Variants in SLC9C1 observed in about 807,000 individuals in gnomAD.
SLC9C1 encodes solute carrier family 9 member C1.
A neutral mutation model predicts 140.9 loss-of-function variants in SLC9C1; 97 were observed. The ratio of observed to expected loss-of-function variants is 0.69; its 90% confidence interval spans 0.58 to 0.82. The LOEUF (loss-of-function observed/expected upper bound fraction) is 0.82, where lower values mean the gene tolerates loss of function less well. SLC9C1 is among the 40% of genes least tolerant of loss of function. The pLI is 0.00. For synonymous variants in SLC9C1, 440 were observed against 442.6 expected (o/e 0.99, Z 0.07); for missense variants, 1,340 against 1,389.3 (o/e 0.96, Z 0.56).
intron 20 of SLC9C1, among the ~76,000 whole-genome samples, chr3:112,197,569 A>T (rs2077798621): frequency 6.6e-6 from 1 of 152,158 alleles, no homozygotes; most frequent in African/African-American, 2.4e-5. Flanking sequence ...GACAGAAATT[A>T]ACCAAAATTT....
At chr3:112,165,285 CTCCA>C (rs1439454782) in intron 26 of SLC9C1, among the ~76,000 whole-genome samples, 1 of 152,228 alleles carries the variant, frequency 6.6e-6, no homozygotes, top group African/African-American at 2.4e-5. Flanking sequence ...CAAAGTCATT[CTCCA>C]TCCAGCTTTG....
chr3:112,185,083 G>A (rs2077506991), intron 20 of SLC9C1, among the ~76,000 whole-genome samples: 1 of 151,974 alleles, frequency 6.6e-6, no homozygotes, highest in South Asian at 2.1e-4. Context: ...GGGACAGGAG[G>A]GCCAGGGGCA....
At chr3:112,218,464 G>T (rs1478964350) in intron 14 of SLC9C1, among the ~76,000 whole-genome samples, 1 of 151,528 alleles carries the variant, frequency 6.6e-6, no homozygotes, top group Non-Finnish European at 1.5e-5. Flanking sequence ...TTTACTACAG[G>T]GATACTAACG....
At chr3:112,215,508 A>G (rs577177465) in intron 15 of SLC9C1, among the ~76,000 whole-genome samples, 50 of 152,268 alleles carry the variant, frequency 3.3e-4, no homozygotes, top group Non-Finnish European at 7.3e-5. Flanking sequence ...AACTTCAGCA[A>G]AGTCCCAGGA....
At chr3:112,251,674 C>A (rs1253071255) in intron 10 of SLC9C1, among the ~76,000 whole-genome samples, 2 of 152,152 alleles carry the variant, frequency 1.3e-5, no homozygotes, top group East Asian at 1.9e-4. Context: ...TCCCTGAGAC[C>A]AAGCTCTGAG....
Position 112,274,894 on chromosome 3 carries a change from TA to T in SLC9C1, c.613+2del. The T allele has an allele frequency of 6.5e-7, 1 of 1,542,216 alleles. No homozygotes were observed. Among genetic ancestry groups the T allele is most frequent in the Non-Finnish European group, 8.7e-7 (1 of 1,153,670 alleles). On this transcript the variant is annotated splice_donor_variant, in intron 6 of 28. Coordinates refer to ENST00000305815, the MANE Select transcript of SLC9C1 (RefSeq NM_183061.3). LOFTEE classifies it high-confidence loss of function. The stretch of plus-strand genomic sequence containing the variant: ...GAGAAAAATTTTTTAAAAATATACT[TA>T]CCTAAGGTATGGTTTCTTTTACTTT...
Position 112,231,369 on chromosome 3 carries a change from C to T in SLC9C1, c.1564G>A (p.Ala522Thr). The change falls in exon 13 of 29, where the codon GCA (alanine) becomes ACA (threonine). Residue 522 changes from alanine to threonine, a missense_variant. Coordinates refer to ENST00000305815, the MANE Select transcript of SLC9C1 (RefSeq NM_183061.3). ...AGAGAATAATACAGTACTATTTGTG[C>T]TGACAAGAGACGCCTGTTGGCCAGC... is the stretch of plus-strand genomic sequence containing the variant. The part of the protein sequence containing the change: ...MELANRRLLS[A>T]QIASYQRQYR... 2 of 1,613,188 alleles carry T rather than the reference C, an allele frequency of 1.2e-6. No homozygotes were observed. The highest frequency in any genetic ancestry group is 4.5e-5 in the East Asian group (2 of 44,826).
rs764956284 is a variant in SLC9C1 at position 112,221,234 on chromosome 3, AT to A, written c.1573-10del. On this transcript the variant is annotated splice_polypyrimidine_tract_variant and intron_variant, in intron 13 of 28. Transcript: ENST00000305815. ...TGTCTCTGGTAGCTTGCCTAAAAAA[AT>A]ATTAATTCAAGTCATTATATAGCAT... 13 of 1,610,036 alleles carry A rather than the reference AT, an allele frequency of 8.1e-6. No homozygotes were observed. Among genetic ancestry groups the A allele is most frequent in the Middle Eastern group, 1.6e-4 (1 of 6,076 alleles).
chr3:112,263,236 T>G, intron 9 of SLC9C1, 138 bp from the exon 10 acceptor site: 1 of 619,326 alleles, frequency 1.6e-6, no homozygotes, highest in South Asian at 3.8e-5. Context: ...ACTGTTGACA[T>G]GACACCAAAG....
chr3:112,264,169 A>G, intron 9 of SLC9C1, 31 bp downstream of exon 9: 2 of 961,826 alleles, frequency 2.1e-6, no homozygotes, highest in Non-Finnish European at 2.7e-6. Flanking sequence ...TCAATTATCT[A>G]TAAATAGAAA....
intron 26 of SLC9C1, among the ~76,000 whole-genome samples, chr3:112,163,761 G>A (rs958784689): frequency 9.2e-5 from 14 of 152,262 alleles, no homozygotes; most frequent in Admixed American, 3.3e-4. Flanking sequence ...GATTTGGGGT[G>A]GAGAGTTCTG....
chr3:112,239,501 G>C (rs1321762607), intron 12 of SLC9C1, among the ~76,000 whole-genome samples: 5 of 152,210 alleles, frequency 3.3e-5, no homozygotes, highest in African/African-American at 1.2e-4. Context: ...AGATGAACCT[G>C]GTACCTCAGT....
chr3:112,286,308 T>C (rs2080506565), intron 2 of SLC9C1, among the ~76,000 whole-genome samples: 1 of 152,188 alleles, frequency 6.6e-6, no homozygotes, highest in Non-Finnish European at 1.5e-5. Flanking sequence ...AAAAAGTGTT[T>C]TCTTTTTGTT....
At chr3:112,289,902 C>T (rs1380671975) in intron 1 of SLC9C1, among the ~76,000 whole-genome samples, 6 of 152,108 alleles carry the variant, frequency 3.9e-5, no homozygotes, top group Admixed American at 1.3e-4. Flanking sequence ...AATCACGTGG[C>T]AAGTTTTAGA....
intron 26 of SLC9C1, among the ~76,000 whole-genome samples, chr3:112,160,258 T>C (rs559140556): frequency 1.1e-4 from 17 of 151,350 alleles, no homozygotes; most frequent in African/African-American, 4.1e-4. Flanking sequence ...ATTTATTTAT[T>C]TTTTTAAGTT....
chr3:112,199,221 T>C, intron 20 of SLC9C1, 100 bp downstream of exon 20: 1 of 939,452 alleles, frequency 1.1e-6, no homozygotes, highest in Non-Finnish European at 1.5e-6. Context: ...GATTTTCCTA[T>C]CTTAGAAATG....
chr3:112,177,528 G>C (rs910309809), intron 23 of SLC9C1, among the ~76,000 whole-genome samples: 1 of 149,636 alleles, frequency 6.7e-6, no homozygotes, highest in Non-Finnish European at 1.5e-5. Flanking sequence ...AGCTTAGCAG[G>C]ATCGCCATCT....
intron 10 of SLC9C1, among the ~76,000 whole-genome samples, chr3:112,257,127 C>T (rs1312057165): frequency 3.9e-5 from 6 of 152,044 alleles, no homozygotes; most frequent in Admixed American, 3.9e-4. Context: ...GACATACTGC[C>T]CCAAAGAATT....
In SLC9C1 at chr3:112,221,225, C is replaced by T; in HGVS notation, c.1573G>A (p.Ala525Thr). 1.9e-6 allele frequency: 3 copies of T among 1,611,752 alleles called. No individual in the cohort carries two copies. Residue 525 changes from alanine to threonine, a missense_variant and splice_region_variant, in exon 14 of 29, where the codon GCA (alanine) becomes ACA (threonine). Transcript: ENST00000305815. ...ANRRLLSAQI[A>T]SYQRQYRNEI... ...TTCCTGTATTGTCTCTGGTAGCTTG[C>T]CTAAAAAAATATTAATTCAAGTCAT...
Sources: allele counts gnomAD v4.1 joint callset (sites outside exome capture counted in the v4.1 genomes callset), GRCh38; gene constraint gnomAD v4.1.1; transcripts MANE v1.5; gene names NCBI Gene and HGNC (gene_info 2026-07-23, HGNC 2026-07-21).